The following CEP128 variants were observed in gnomAD, a reference collection of about 807,000 sequenced individuals.
CEP128 encodes the protein centrosomal protein 128.
Under a neutral mutation model 156.7 loss-of-function variants are expected in CEP128, and 132 were observed. That is an observed-to-expected ratio of 0.84 (90% CI 0.73 to 0.97). CEP128 has a LOEUF of 0.97. Ranked by LOEUF, CEP128 falls within the 50% of genes least tolerant of loss-of-function variation. The pLI is 0.00. For synonymous variants in CEP128, 469 were observed against 448.9 expected, an observed-to-expected ratio of 1.04 and a Z score of -0.57; for missense variants, 1,252 against 1,281.9, an observed-to-expected ratio of 0.98 and a Z score of 0.36.
upstream of CEP128, among the ~76,000 whole-genome samples, chr14:80,946,160 G>A (rs942750769): frequency 6.6e-6 from 1 of 152,152 alleles, no homozygotes. Flanking sequence ...TAAGCCTAGT[G>A]TCTAATTCAT....
At chr14:80,849,522 A>G (rs373582436) in intron 9 of CEP128, among the ~76,000 whole-genome samples, 3 of 152,238 alleles carry the variant, frequency 2.0e-5, no homozygotes, top group African/African-American at 7.2e-5. Context: ...TAATGAGGTT[A>G]TAGTTCTAAA....
chr14:80,486,294 T>G (rs1421290025), downstream of CEP128, among the ~76,000 whole-genome samples: 2 of 151,312 alleles, frequency 1.3e-5, no homozygotes, highest in Non-Finnish European at 2.9e-5. Flanking sequence ...ATGAACGAAA[T>G]GAAGCGAGAA....
At chr14:80,617,217 ATCTTTTTTT>A (rs1163767764) in intron 19 of CEP128, among the ~76,000 whole-genome samples, 5 of 43,140 alleles carry the variant, frequency 1.2e-4, no homozygotes, top group African/African-American at 2.9e-4. Context: ...TGTGAATATC[ATCTTTTTTT>A]TTTTTTTTTT....
intron 19 of CEP128, among the ~76,000 whole-genome samples, chr14:80,650,549 C>A (rs374128533): frequency 6.6e-6 from 1 of 151,934 alleles, no homozygotes; most frequent in Non-Finnish European, 1.5e-5. Flanking sequence ...ATATTGGCTG[C>A]GGGTGTGTCA....
chr14:80,619,840 G>C (rs1336848660), intron 19 of CEP128, among the ~76,000 whole-genome samples: 17 of 152,068 alleles, frequency 1.1e-4, no homozygotes, highest in Non-Finnish European at 1.9e-4. Context: ...AAAAGAATGA[G>C]TAGGCCAGGT....
rs1027561006 is a variant in CEP128 at position 80,478,847 on chromosome 14, T to C, written c.*311-440A>G. Among the ~76,000 whole-genome samples the C allele has an allele frequency of 5.3e-5, 8 of 152,348 alleles. No homozygotes were observed. The South Asian group carries it at 1.4e-3, about 28-fold the overall frequency. On this transcript the variant is annotated intron_variant and NMD_transcript_variant, in intron 14 of 14. Coordinates refer to the CEP128 transcript ENST00000554502. The stretch of plus-strand genomic sequence containing the variant: ...TGGCATTCAGTAAATATTTGATAAA[T>C]TAATGCAATCTAACAGAATAAATAT...
chr14:80,585,504 T>C (rs893250837), intron 19 of CEP128, among the ~76,000 whole-genome samples: 1 of 152,212 alleles, frequency 6.6e-6, no homozygotes, highest in African/African-American at 2.4e-5. Flanking sequence ...GAAATGACTA[T>C]ATTTTTCTTT....
intron 19 of CEP128, among the ~76,000 whole-genome samples, chr14:80,588,805 T>C (rs922394223): frequency 6.6e-6 from 1 of 152,048 alleles, no homozygotes; most frequent in African/African-American, 2.4e-5. Flanking sequence ...TCAGTGAGCT[T>C]TTAAAAAAAG....
At chr14:80,684,359 A>G (rs773758506) in intron 19 of CEP128, among the ~76,000 whole-genome samples, 7 of 152,168 alleles carry the variant, frequency 4.6e-5, no homozygotes, top group Admixed American at 2.0e-4. Flanking sequence ...AAATGAATAA[A>G]TTCTTGAAAA....
At chr14:80,562,551 T>A (rs17110773) in intron 20 of CEP128, among the ~76,000 whole-genome samples, 24,241 of 152,090 alleles carry the variant, frequency 0.16, 2,197 homozygotes, top group East Asian at 0.19. Flanking sequence ...TGACACTGTT[T>A]TTGGTAAACA....
intron 7 of CEP128, among the ~76,000 whole-genome samples, 178 bp from the exon 8 acceptor site, chr14:80,895,968 G>A (rs191819031): frequency 6.6e-6 from 1 of 152,022 alleles, no homozygotes; most frequent in East Asian, 1.9e-4. Flanking sequence ...GCTGGATCCC[G>A]CCCCCCAGAT....
At chr14:80,599,563 C>G (rs370900967) in intron 19 of CEP128, among the ~76,000 whole-genome samples, 2 of 152,042 alleles carry the variant, frequency 1.3e-5, no homozygotes, top group African/African-American at 4.8e-5. Flanking sequence ...GCATGAGCCA[C>G]TGCGCCCGGC....
chr14:80,921,689 C>T (rs1041955498), intron 2 of CEP128, among the ~76,000 whole-genome samples: 2 of 152,044 alleles, frequency 1.3e-5, no homozygotes, highest in African/African-American at 2.4e-5. Context: ...TCCGGCCGGG[C>T]GCAGTGGCTC....
At chr14:80,911,864 T>C (rs1338927207) in intron 4 of CEP128, among the ~76,000 whole-genome samples, 1 of 152,226 alleles carries the variant, frequency 6.6e-6, no homozygotes, top group Non-Finnish European at 1.5e-5. Context: ...TGTCATTCCC[T>C]AAACATGTAT....
At chr14:80,920,334 G>A (rs764849478) in intron 2 of CEP128, among the ~76,000 whole-genome samples, 109 of 152,244 alleles carry the variant, frequency 7.2e-4, no homozygotes, top group Non-Finnish European at 1.4e-3. Context: ...TGGAGTGGCC[G>A]CTGAAGTTGG....
intron 18 of CEP128, among the ~76,000 whole-genome samples, chr14:80,752,943 G>T (rs1899466794): frequency 6.6e-6 from 1 of 152,140 alleles, no homozygotes; most frequent in South Asian, 2.1e-4. Flanking sequence ...ACTCTTTGGG[G>T]TGGTATCAAA....
At chr14:80,910,884 G>A (rs1884167822) in intron 4 of CEP128, among the ~76,000 whole-genome samples, 1 of 152,040 alleles carries the variant, frequency 6.6e-6, no homozygotes, top group African/African-American at 2.4e-5. Context: ...AAAAGTCATT[G>A]GTCACCACAA....
chr14:80,507,068 G>C (rs544924267), intron 23 of CEP128, among the ~76,000 whole-genome samples: 1 of 151,948 alleles, frequency 6.6e-6, no homozygotes, highest in African/African-American at 2.4e-5. Flanking sequence ...TGAAGTGCCT[G>C]TGCCTGCTTC....
chr14:80,931,124 T>C (rs1042859711), intron 2 of CEP128, among the ~76,000 whole-genome samples: 1 of 152,220 alleles, frequency 6.6e-6, no homozygotes, highest in Non-Finnish European at 1.5e-5. Context: ...AGGATGTGCA[T>C]GAGGATACGA....
Sources: allele counts gnomAD v4.1 joint callset (sites outside exome capture counted in the v4.1 genomes callset), GRCh38; gene constraint gnomAD v4.1.1; transcripts MANE v1.5; gene names NCBI Gene and HGNC (gene_info 2026-07-23, HGNC 2026-07-21).